Variants in ANGPT1 observed in about 807,000 individuals in gnomAD.
The protein encoded by ANGPT1 is angiopoietin 1.
Under a neutral mutation model 62.2 loss-of-function variants are expected in ANGPT1, and 17 were observed. The observed-to-expected ratio is 0.27, with a 90% CI of 0.19 to 0.41. The LOEUF (loss-of-function observed/expected upper bound fraction) is 0.41. Among genes scored for constraint, ANGPT1 ranks in the 10% least tolerant of loss-of-function variants. ANGPT1 has a pLI of 1.00. For synonymous variants in ANGPT1, 199 were observed against 198.9 expected, an observed-to-expected ratio of 1.00 and a Z score of 0.00; for missense variants, 478 against 594.9, an observed-to-expected ratio of 0.80 and a Z score of 2.04.
At chr8:107,381,416 C>A (rs1441401893) in intron 1 of ANGPT1, among the ~76,000 whole-genome samples, 1 of 152,164 alleles carries the variant, frequency 6.6e-6, no homozygotes, top group African/African-American at 2.4e-5. Context: ...GTCCCAAGAA[C>A]CACTTCATGC....
intron 7 of ANGPT1, among the ~76,000 whole-genome samples, chr8:107,266,275 A>T (rs1001154009): frequency 6.6e-5 from 10 of 152,182 alleles, no homozygotes; most frequent in Non-Finnish European, 1.5e-4. Context: ...CACCTTCCAG[A>T]GCTGGTGAGA....
chr8:107,360,466 T>G (rs2130200780), intron 1 of ANGPT1, among the ~76,000 whole-genome samples: 1 of 152,310 alleles, frequency 6.6e-6, no homozygotes, highest in African/African-American at 2.4e-5. Context: ...TCTTTCCGCT[T>G]TATTCAGCCC....
intron 1 of ANGPT1, among the ~76,000 whole-genome samples, chr8:107,412,323 G>C (rs1810608688): frequency 6.6e-6 from 1 of 152,132 alleles, no homozygotes. Context: ...CCTGGCGATA[G>C]AGGAAGAGTC....
At chr8:107,457,991 T>A (rs1437022561) in intron 1 of ANGPT1, among the ~76,000 whole-genome samples, 1 of 152,020 alleles carries the variant, frequency 6.6e-6, no homozygotes, top group Admixed American at 6.6e-5. Flanking sequence ...AAAAAAATAT[T>A]ATGATCATAT....
chr8:107,366,798 A>G (rs996412556), intron 1 of ANGPT1, among the ~76,000 whole-genome samples: 28 of 152,334 alleles, frequency 1.8e-4, no homozygotes, highest in African/African-American at 6.3e-4. Flanking sequence ...TCAATAGAAT[A>G]TGGCAGAATA....
At chr8:107,283,179 A>G (rs1165617494) in intron 7 of ANGPT1, among the ~76,000 whole-genome samples, 1 of 152,218 alleles carries the variant, frequency 6.6e-6, no homozygotes, top group East Asian at 1.9e-4. Context: ...GTTTCAGGTC[A>G]AAACATTTAC....
intron 1 of ANGPT1, among the ~76,000 whole-genome samples, chr8:107,405,832 T>C (rs535414396): frequency 6.6e-6 from 1 of 151,918 alleles, no homozygotes; most frequent in East Asian, 1.9e-4. Flanking sequence ...TTATTTAAAA[T>C]AAAACTGTAA....
At chr8:107,335,806 G>A (rs979004287) in intron 3 of ANGPT1, among the ~76,000 whole-genome samples, 1 of 152,070 alleles carries the variant, frequency 6.6e-6, no homozygotes, top group Non-Finnish European at 1.5e-5. Flanking sequence ...GTTGTTATAG[G>A]TTTTCATTCT....
rs897902964 is a variant in ANGPT1 at position 107,491,460 on chromosome 8, A to C, written c.297+5802T>G. On this transcript the variant is annotated intron_variant, in intron 1 of 8. Coordinates refer to ENST00000517746, the MANE Select transcript of ANGPT1 (RefSeq NM_001146.5). ...AATAAAACAGTATAATAAGGTAGAA[A>C]GTCTCTTAGTAAAGTGGGGAAGGTG... Among the ~76,000 whole-genome samples, 3 of 152,216 alleles carry C rather than the reference A, an allele frequency of 2.0e-5. No individual in the cohort carries two copies. The East Asian group carries it at 5.8e-4, about 29-fold the overall frequency.
At chr8:107,281,219 A>AT (rs1380178280) in intron 7 of ANGPT1, among the ~76,000 whole-genome samples, 73 of 152,296 alleles carry the variant, frequency 4.8e-4, no homozygotes, top group Middle Eastern at 6.8e-3. Flanking sequence ...TTTTTAAAAA[A>AT]CAACACCACA....
chr8:107,257,649 C>T (rs1813388464), intron 8 of ANGPT1, among the ~76,000 whole-genome samples: 1 of 152,132 alleles, frequency 6.6e-6, no homozygotes, highest in African/African-American at 2.4e-5. Context: ...TTTCATCTTT[C>T]ATCACTAACT....
chr8:107,306,609 G>C lies in ANGPT1; in HGVS notation c.809-3242C>G, dbSNP rs1814724307. Among the ~76,000 whole-genome samples, 3 of 152,094 alleles carry C rather than the reference G, an allele frequency of 2.0e-5. No individual in the cohort carries two copies. The South Asian group carries it at 6.2e-4, about 32-fold the overall frequency. Reference sequence around the variant, plus strand: ...CACCTAGGAAACATTCTAAAACCTAGAGAGACAATAACATTTGAATTTCCT... The same window carrying C: ...CACCTAGGAAACATTCTAAAACCTACAGAGACAATAACATTTGAATTTCCT... On this transcript the variant is annotated intron_variant, in intron 4 of 8. Coordinates refer to ENST00000517746, the MANE Select transcript of ANGPT1 (RefSeq NM_001146.5).
At chr8:107,274,045 T>G (rs924659406) in intron 7 of ANGPT1, among the ~76,000 whole-genome samples, 3 of 152,108 alleles carry the variant, frequency 2.0e-5, no homozygotes, top group Admixed American at 2.0e-4. Flanking sequence ...ATGTTTTGTT[T>G]CCTTCTCCTA....
intron 5 of ANGPT1, chr8:107,295,179 T>G (rs1055899458): frequency 2.0e-5 from 3 of 152,160 alleles, no homozygotes; most frequent in African/African-American, 7.2e-5. Flanking sequence ...TGCCTACTTG[T>G]GGGCATATGA....
intron 1 of ANGPT1, among the ~76,000 whole-genome samples, chr8:107,484,250 A>T (rs1812759089): frequency 6.6e-6 from 1 of 152,162 alleles, no homozygotes; most frequent in South Asian, 2.1e-4. Context: ...TAAATATGTA[A>T]ACTCTTAAAA....
chr8:107,303,704 G>A (rs987085163), intron 4 of ANGPT1, among the ~76,000 whole-genome samples: 2 of 151,632 alleles, frequency 1.3e-5, no homozygotes, highest in Non-Finnish European at 1.5e-5. Flanking sequence ...TAGCAATTAC[G>A]TCAAGTTTCC....
chr8:107,392,134 A>G (rs1404202820), intron 1 of ANGPT1, among the ~76,000 whole-genome samples: 1 of 152,194 alleles, frequency 6.6e-6, no homozygotes, highest in African/African-American at 2.4e-5. Context: ...CTTTATGTTT[A>G]TACATATAAA....
At chr8:107,481,668 G>T (rs1195011689) in intron 1 of ANGPT1, among the ~76,000 whole-genome samples, 1 of 151,716 alleles carries the variant, frequency 6.6e-6, no homozygotes, top group Non-Finnish European at 1.5e-5. Flanking sequence ...TAACTGACCC[G>T]CAGTTCCCAG....
At chr8:107,458,103 T>C (rs1413638318) in intron 1 of ANGPT1, among the ~76,000 whole-genome samples, 1 of 152,184 alleles carries the variant, frequency 6.6e-6, no homozygotes. Flanking sequence ...ATTGTCCATG[T>C]GTAGCTGAAA....
Sources: gnomAD v4.1 joint callset for allele counts (sites outside exome capture counted in the v4.1 genomes callset) on GRCh38, gnomAD v4.1.1 for gene constraint, MANE v1.5 for transcripts, NCBI Gene and HGNC (gene_info 2026-07-23, HGNC 2026-07-21) for gene names.